Variants in PSG9 observed in about 807,000 individuals in gnomAD.
The protein encoded by PSG9 is pregnancy specific beta-1-glycoprotein 9, also known as pregnancy-specific beta-1-glycoprotein 9.
A neutral mutation model predicts 41.9 loss-of-function variants in PSG9; 49 were observed. The observed-to-expected ratio is 1.17, with a 90% CI of 0.93 to 1.48. The LOEUF (loss-of-function observed/expected upper bound fraction) is 1.48. Ranked by LOEUF, PSG9 falls within the 40% of genes most tolerant of loss-of-function variation. The pLI, the probability that PSG9 is intolerant of heterozygous loss-of-function variation, is 0.00. For synonymous variants in PSG9, 263 were observed against 196.8 expected (o/e 1.34, Z -2.82); for missense variants, 641 against 520.3 (o/e 1.23, Z -2.26).
chr19:43,258,237 T>A lies in PSG9; in HGVS notation c.1208A>T (p.Lys403Met), dbSNP rs377416093. Reference protein sequence around the residue: ...ACSVHNSATGKEISKSMTVKV... With the variant: ...ACSVHNSATGMEISKSMTVKV... ...GACTGTCATGGATTTGGAGATTTCC[T>A]TGCCAGTGGCTGAGTTATGAACAGA... Residue 403 changes from lysine to methionine, a missense_variant, in exon 5 of 6, where the codon AAG becomes ATG. Coordinates refer to ENST00000270077, the MANE Select transcript of PSG9 (RefSeq NM_002784.5). The A allele has an allele frequency of 6.9e-6, 11 of 1,592,874 alleles. No individual in the cohort carries two copies. The African/African-American group carries it at 1.4e-4, about 20-fold the overall frequency.
At chr19:43,265,420 G>C (rs1968919782) in intron 2 of PSG9, among the ~76,000 whole-genome samples, 1 of 152,106 alleles carries the variant, frequency 6.6e-6, no homozygotes, top group South Asian at 2.1e-4. Flanking sequence ...GCAACCGGCT[G>C]ACCTCATCCA....
chr19:43,264,845 A>G (rs1369806902), intron 2 of PSG9, among the ~76,000 whole-genome samples: 1 of 152,164 alleles, frequency 6.6e-6, no homozygotes, highest in Non-Finnish European at 1.5e-5. Flanking sequence ...AGCTTGTTAT[A>G]TGCCTGACAG....
At chr19:43,265,940 T>C (rs1180766376) in intron 2 of PSG9, among the ~76,000 whole-genome samples, 2 of 151,960 alleles carry the variant, frequency 1.3e-5, no homozygotes, top group African/African-American at 2.4e-5. Flanking sequence ...TCCTATTTCC[T>C]GGGAGGTGGG....
intron 2 of PSG9, among the ~76,000 whole-genome samples, chr19:43,267,484 G>C (rs1290726676): frequency 6.6e-6 from 1 of 152,094 alleles, no homozygotes; most frequent in Admixed American, 6.6e-5. Flanking sequence ...TCTTTCTCAG[G>C]GTCAAATTTA....
At position 43,261,968 on chromosome 19, in the gene PSG9, T is replaced by G. The variant is rs1568415950; in HGVS notation, c.601A>C (p.Thr201Pro). ...HRLQLSKTNRTLYLFGVTKYI... is the reference protein window; with the variant it reads ...HRLQLSKTNRPLYLFGVTKYI... ...TTTGTGACACCAAATAGATAGAGGG[T>G]CCTGTTGGTTTTGGACAGCTGCAAC... is the stretch of plus-strand genomic sequence containing the variant. The change falls in exon 3 of 6, where the codon ACC (threonine) becomes CCC (proline). Residue 201 changes from threonine to proline, a missense_variant. Transcript: ENST00000270077. 1.2e-6 allele frequency: 2 copies of G among 1,613,936 alleles called. No individual in the cohort carries two copies. The highest frequency in any genetic ancestry group is 1.7e-6 in the Non-Finnish European group (2 of 1,179,914).
intron 3 of PSG9, chr19:43,259,396 G>A (rs1314930829): frequency 3.6e-5 from 22 of 616,874 alleles, no homozygotes; most frequent in Middle Eastern, 4.8e-4. Flanking sequence ...AGACACATCA[G>A]TGGGAGTCAC....
rs763772998 is a variant in PSG9, at chr19:43,262,128, G to A, written c.441C>T (p.Pro147=). 1.9e-6 allele frequency: 3 copies of A among 1,613,576 alleles called. No individual in the cohort carries two copies. The highest frequency in any genetic ancestry group is 2.2e-5 in the East Asian group (1 of 44,878). The part of the protein sequence containing the change: ...HFTFTLYLET[P]KPYISSSNLN... ...AGTTGCTGCTGGAGATGTAGGGCTT[G>A]GGAGTCTCCACTGTGCAGAAAACAG... Residue 147 remains proline, a synonymous_variant, in exon 3 of 6, where the codon CCC becomes CCT. Coordinates refer to ENST00000270077, the MANE Select transcript of PSG9 (RefSeq NM_002784.5).
intron 3 of PSG9, among the ~76,000 whole-genome samples, chr19:43,261,313 A>C (rs958037771): frequency 2.6e-5 from 4 of 152,144 alleles, no homozygotes; most frequent in Admixed American, 6.5e-5. Flanking sequence ...GGGGATAAAG[A>C]ACACTTGTGC....
intron 5 of PSG9, chr19:43,257,828 A>T (rs1407874475): frequency 7.4e-7 from 1 of 1,350,842 alleles, no homozygotes; most frequent in African/African-American, 1.6e-5. Flanking sequence ...TGTCCCTTGT[A>T]GCTCATGGAA....
chr19:43,259,016 C>A lies in PSG9; in HGVS notation c.829G>T (p.Gly277Cys), dbSNP rs1311205237. Residue 277 changes from glycine to cysteine, a missense_variant, in exon 4 of 6, where the codon GGT (glycine) becomes TGT (cysteine). Gly to Cys is a radical substitution (Grantham distance 159). Transcript: ENST00000270077. ...ENYTYIWWLNGQSLPVSPGVK... is the reference protein window; with the variant it reads ...ENYTYIWWLNCQSLPVSPGVK... ...CCGGGACTGACGGGGAGGCTCTGAC[C>A]GTTTAGCCACCAAATGTAGGTGTAG... 3.8e-6 allele frequency: 6 copies of A among 1,590,628 alleles called. 1 individual carries two copies. Among genetic ancestry groups the A allele is most frequent in the Middle Eastern group, 2.3e-4 (1 of 4,418 alleles).
At chr19:43,263,324 C>A (rs561705251) in intron 2 of PSG9, among the ~76,000 whole-genome samples, 2 of 152,220 alleles carry the variant, frequency 1.3e-5, no homozygotes, top group East Asian at 3.9e-4. Flanking sequence ...AAGCTTAAAA[C>A]AAAGTGTTTT....
rs1257376863 is a variant in PSG9 at position 43,254,350 on chromosome 19, T to G, written c.1244-704A>C. Among the ~76,000 whole-genome samples the G allele has an allele frequency of 2.7e-5, 4 of 146,470 alleles. 2 individuals carry two copies. Among genetic ancestry groups the G allele is most frequent in the African/African-American group, 1.0e-4 (4 of 38,484 alleles). ...GACTATTTGACCTCAAGGCTAATGA[T>G]GATGGTAGTAATATAGCAGCTGACA... On this transcript the variant is annotated intron_variant, in intron 5 of 5. Coordinates refer to ENST00000270077, the MANE Select transcript of PSG9 (RefSeq NM_002784.5).
intron 2 of PSG9, among the ~76,000 whole-genome samples, chr19:43,264,141 A>G (rs1174220389): frequency 3.3e-5 from 5 of 152,094 alleles, no homozygotes; most frequent in Non-Finnish European, 7.4e-5. Context: ...GTTGTATGAG[A>G]CACAGGCAGT....
chr19:43,256,154 C>A (rs1309389263), intron 5 of PSG9, among the ~76,000 whole-genome samples: 1 of 146,230 alleles, frequency 6.8e-6, no homozygotes, highest in Non-Finnish European at 1.5e-5. Context: ...AGCTGGATAT[C>A]CAAGGGCAAG....
rs150037800 is a variant in PSG9, at chr19:43,266,733, G to T, written c.430+1051C>A. Among the ~76,000 whole-genome samples, 1,391 of 152,160 alleles carry T rather than the reference G, an allele frequency of 9.1e-3. 15 individuals are homozygous for T. Among genetic ancestry groups the T allele is most frequent in the Middle Eastern group, 0.014 (4 of 294 alleles). ...GATTTGAGCCAATAAATGACTATGG[G>T]GTCCTTGGAACCCAGTAAGCCCTCA... On this transcript the variant is annotated intron_variant, in intron 2 of 5. Coordinates refer to ENST00000270077, the MANE Select transcript of PSG9 (RefSeq NM_002784.5).
intron 3 of PSG9, 79 bp downstream of exon 3, chr19:43,261,781 G>C: frequency 6.2e-7 from 1 of 1,613,786 alleles, no homozygotes; most frequent in Non-Finnish European, 8.5e-7. Context: ...TTGGACCTGA[G>C]AGGGACTGAG....
At position 43,257,587 on chromosome 19, in the gene PSG9, C is replaced by T. The variant is rs1293451560; in HGVS notation, c.1243+615G>A. 9 of 985,372 alleles carry T rather than the reference C, an allele frequency of 9.1e-6. 1 individual carries two copies. The East Asian group carries it at 7.9e-4, about 87-fold the overall frequency. The allele number at this position is 985,372 out of a possible 1,614,324, so 61.0% of individuals were successfully genotyped here. A position where few individuals can be genotyped will look rare whatever the true frequency, so the allele number is the denominator to read the frequency against. Reference sequence around the variant, plus strand: ...TCTTCTTATTTCCCTGCAGCCTGGCCCGGGGGAGGCTTGGCTTCAACTGGC... The same window carrying T: ...TCTTCTTATTTCCCTGCAGCCTGGCTCGGGGGAGGCTTGGCTTCAACTGGC... On this transcript the variant is annotated intron_variant, in intron 5 of 5. Transcript: ENST00000270077.
At chr19:43,257,500 C>T in intron 5 of PSG9, 3 of 977,752 alleles carry the variant, frequency 3.1e-6, no homozygotes, top group Middle Eastern at 5.3e-4. Flanking sequence ...TGCCCAAAGC[C>T]TCATACAGCT....
At chr19:43,264,616 C>A (rs1468659538) in intron 2 of PSG9, among the ~76,000 whole-genome samples, 1 of 152,074 alleles carries the variant, frequency 6.6e-6, no homozygotes, top group Non-Finnish European at 1.5e-5. Flanking sequence ...CACCACCACG[C>A]CCGGCTAATT....
Sources: gnomAD v4.1 joint callset for allele counts (sites outside exome capture counted in the v4.1 genomes callset) on GRCh38, gnomAD v4.1.1 for gene constraint, MANE v1.5 for transcripts, NCBI Gene and HGNC (gene_info 2026-07-23, HGNC 2026-07-21) for gene names.